The following CCND3 variants were observed in gnomAD, a reference collection of about 807,000 sequenced individuals.
CCND3 encodes the protein G1/S-specific cyclin-D3.
A neutral mutation model predicts 28.7 loss-of-function variants in CCND3; 9 were observed. The observed-to-expected ratio is 0.31, with a 90% CI of 0.19 to 0.55. The LOEUF is 0.55. Ranked by LOEUF, CCND3 falls within the 20% of genes least tolerant of loss-of-function variation. The pLI is 0.93. For synonymous variants in CCND3, 164 were observed against 163.9 expected (o/e 1.00, Z 0.00); for missense variants, 315 against 385.8 (o/e 0.82, Z 1.54).
intron 1 of CCND3, among the ~76,000 whole-genome samples, chr6:42,020,141 T>C (rs1300470199): frequency 6.6e-6 from 1 of 151,984 alleles, no homozygotes; most frequent in Non-Finnish European, 1.5e-5. Context: ...TAGCCGAGCA[T>C]GGTGGCCGGC....
chr6:42,036,013 C>CAAA (rs1764196223), intron 1 of CCND3, among the ~76,000 whole-genome samples: 1 of 149,232 alleles, frequency 6.7e-6, no homozygotes, highest in Non-Finnish European at 1.5e-5. Flanking sequence ...TTTTTTGAGA[C>CAAA]AGAGTCTTGC....
At chr6:42,026,681 T>A (rs1763885093) in intron 1 of CCND3, among the ~76,000 whole-genome samples, 1 of 152,170 alleles carries the variant, frequency 6.6e-6, no homozygotes, top group African/African-American at 2.4e-5. Flanking sequence ...ACTATGTATG[T>A]TCCCCAAACT....
At chr6:41,956,767 G>A (rs1406513622) in intron 1 of CCND3, among the ~76,000 whole-genome samples, 1 of 152,096 alleles carries the variant, frequency 6.6e-6, no homozygotes, top group African/African-American at 2.4e-5. Context: ...GGTGGCTCAA[G>A]CCTGTAATCC....
chr6:41,976,141 C>A (rs1197389854), intron 1 of CCND3, among the ~76,000 whole-genome samples: 1 of 152,122 alleles, frequency 6.6e-6, no homozygotes, highest in African/African-American at 2.4e-5. Context: ...CACCTGAGGT[C>A]AGGAGTTAAA....
At position 41,941,688 on chromosome 6, in the gene CCND3, G is replaced by C. The variant is rs933899296; in HGVS notation, c.-39C>G. On this transcript the variant is annotated 5_prime_UTR_variant, in exon 1 of 5. Transcript: ENST00000372991. The surrounding 1 kb of genome is among the most constrained non-coding windows in gnomAD (Gnocchi z 6.1). ...ACAGGCAGGGCGGGAGTGCGGGCTC[G>C]CGAGTCCCAAGGCAGGCGACGGGCC... 4.2e-5 allele frequency: 56 copies of C among 1,324,104 alleles called. No individual in the cohort carries two copies. Among genetic ancestry groups the C allele is most frequent in the Non-Finnish European group, 5.0e-5 (52 of 1,031,706 alleles). The allele number at this position is 1,324,104 out of a possible 1,614,324, so 82.0% of individuals were successfully genotyped here.
intron 1 of CCND3, 28 bp from the exon 2 acceptor site, chr6:41,940,613 G>T (rs751295930): frequency 1.9e-6 from 3 of 1,559,796 alleles, no homozygotes; most frequent in South Asian, 1.1e-5. Flanking sequence ...GTCACTGCTG[G>T]GTCTGGAGCG....
chr6:41,941,742 G>A lies in CCND3; in HGVS notation c.-93C>T. The A allele has an allele frequency of 1.0e-6, 1 of 957,168 alleles. No homozygotes were observed. Among genetic ancestry groups the A allele is most frequent in the East Asian group, 3.4e-5 (1 of 29,724 alleles). 59.3% of individuals were successfully genotyped at this position (957,168 alleles called of 1,614,324 possible). A position where few individuals can be genotyped will look rare whatever the true frequency, so the allele number is the denominator to read the frequency against. ...GAGCGCGGGGCGCGGGTCTGGCGCT[G>A]GCGCTGGCACTGCGCGGCGGATCCC... On this transcript the variant is annotated 5_prime_UTR_variant, in exon 1 of 5. Transcript: ENST00000372991. This position sits in a 1 kb window ranked among gnomAD's most constrained non-coding sequence, Gnocchi z 6.1.
chr6:41,985,099 G>A (rs966955159), intron 1 of CCND3, among the ~76,000 whole-genome samples: 1 of 151,936 alleles, frequency 6.6e-6, no homozygotes, highest in Non-Finnish European at 1.5e-5. Flanking sequence ...CATTCTGTAG[G>A]TTGTCTCTTC....
chr6:41,953,206 A>G (rs1029480526), intron 1 of CCND3, among the ~76,000 whole-genome samples: 3 of 151,452 alleles, frequency 2.0e-5, no homozygotes, highest in Non-Finnish European at 4.4e-5. Context: ...CGGAGGTTGC[A>G]GTGAGCCGAG....
At chr6:42,006,200 A>G (rs181681172) in intron 1 of CCND3, among the ~76,000 whole-genome samples, 13 of 151,882 alleles carry the variant, frequency 8.6e-5, no homozygotes, top group Admixed American at 5.9e-4. Flanking sequence ...AATGTAACTT[A>G]TAACACTCAT....
chr6:41,960,598 G>A (rs770275683), intron 1 of CCND3, among the ~76,000 whole-genome samples: 21 of 152,140 alleles, frequency 1.4e-4, no homozygotes, highest in Non-Finnish European at 2.5e-4. Context: ...AAATAGGGGA[G>A]TACTATCTAC....
intron 1 of CCND3, 65 bp from the exon 2 acceptor site, chr6:41,940,650 G>C (rs1561952242): frequency 8.9e-7 from 1 of 1,126,430 alleles, no homozygotes; most frequent in Non-Finnish European, 1.3e-6. Flanking sequence ...GGGGGGGTGG[G>C]AGCGCTGAAG....
At chr6:42,039,779 C>T (rs985720395) in intron 1 of CCND3, among the ~76,000 whole-genome samples, 1 of 152,238 alleles carries the variant, frequency 6.6e-6, no homozygotes, top group African/African-American at 2.4e-5. Context: ...GCTTCCGGGG[C>T]TGTGTGTGAC....
chr6:42,048,502 T>G lies in CCND3; in HGVS notation c.-47A>C, dbSNP rs768243898. Reference sequence around the variant, plus strand: ...GGTTTCTCCAGCACCCAAGCCTACCTCCTCGTCAGGTGACCTCCCCGGAGC... The same window carrying G: ...GGTTTCTCCAGCACCCAAGCCTACCGCCTCGTCAGGTGACCTCCCCGGAGC... On this transcript the variant is annotated splice_region_variant and 5_prime_UTR_variant, in exon 1 of 5. Coordinates refer to the CCND3 transcript ENST00000372988. This position sits in a 1 kb window ranked among gnomAD's most constrained non-coding sequence, Gnocchi z 4.7. The G allele has an allele frequency of 7.8e-6, 4 of 511,458 alleles. No individual in the cohort carries two copies. Among genetic ancestry groups the G allele is most frequent in the Non-Finnish European group, 1.6e-5 (4 of 256,920 alleles). The allele number at this position is 511,458 out of a possible 1,614,324, so 31.7% of individuals were successfully genotyped here. A position where few individuals can be genotyped will look rare whatever the true frequency, so the allele number is the denominator to read the frequency against.
chr6:42,040,414 T>C (rs1764336657), intron 1 of CCND3, among the ~76,000 whole-genome samples: 1 of 151,586 alleles, frequency 6.6e-6, no homozygotes, highest in African/African-American at 2.4e-5. Context: ...CGAGACTCTG[T>C]CTCAAAACAA....
At chr6:41,944,992 C>G (rs1172890337), upstream of CCND3, among the ~76,000 whole-genome samples, 1 of 152,194 alleles carries the variant, frequency 6.6e-6, no homozygotes, top group African/African-American at 2.4e-5. Flanking sequence ...GAAATAGAGG[C>G]TCCTCTTGTT....
At chr6:42,015,137 T>G (rs1582164285) in intron 1 of CCND3, among the ~76,000 whole-genome samples, 1 of 152,176 alleles carries the variant, frequency 6.6e-6, no homozygotes, top group African/African-American at 2.4e-5. Flanking sequence ...TCAAAGAGGT[T>G]AAAAGAACTT....
At chr6:41,964,945 G>C (rs1048835889) in intron 1 of CCND3, among the ~76,000 whole-genome samples, 3 of 151,974 alleles carry the variant, frequency 2.0e-5, no homozygotes, top group African/African-American at 7.3e-5. Context: ...GATAGTCCAG[G>C]ATGACTCTAG....
intron 1 of CCND3, among the ~76,000 whole-genome samples, chr6:42,028,787 T>C (rs1296475144): frequency 6.6e-6 from 1 of 152,214 alleles, no homozygotes. Context: ...GAAGAAGGAA[T>C]GAGATTATGC....
Sources: allele counts gnomAD v4.1 joint callset (sites outside exome capture counted in the v4.1 genomes callset), GRCh38; gene constraint gnomAD v4.1.1; non-coding constraint Gnocchi (gnomAD v3.1); transcripts MANE v1.5; gene names NCBI Gene and HGNC (gene_info 2026-07-23, HGNC 2026-07-21).